The following SPN variants were observed in gnomAD, a reference collection of about 807,000 sequenced individuals.
SPN encodes the protein leukosialin.
Under a neutral mutation model 8.4 loss-of-function variants are expected in SPN, and 6 were observed. The ratio of observed to expected loss-of-function variants is 0.72; its 90% CI spans 0.39 to 1.42. SPN has a LOEUF of 1.42. SPN is among the 40% of genes most tolerant of loss of function. The pLI, the probability that SPN is intolerant of heterozygous loss-of-function variation, is 0.02. For missense variants in SPN, 517 were observed against 530.6 expected, an observed-to-expected ratio of 0.97 and a Z score of 0.25; for synonymous variants, 201 against 222.6, an observed-to-expected ratio of 0.90 and a Z score of 0.86.
Position 29,668,306 on chromosome 16 carries a change from C to T in SPN, c.*3375C>T, listed in dbSNP as rs1304016710. 6.5e-6 allele frequency: 1 copy of T among 152,798 alleles called. No homozygotes were observed. Among genetic ancestry groups the T allele is most frequent in the East Asian group, 1.9e-4 (1 of 5,198 alleles). The allele number at this position is 152,798 out of a possible 1,614,324, so 9.5% of individuals were successfully genotyped here. ...CCGGGCACAAGAGATCCACCTGCCT[C>T]AGCCTCCCAAAATGCTGGGACTATA... On this transcript the variant is annotated 3_prime_UTR_variant, in exon 2 of 2. Transcript: ENST00000652691.
Position 29,664,541 on chromosome 16 carries a change from G to C in SPN, c.813G>C (p.Val271=). Residue 271 remains valine, a synonymous_variant, in exon 2 of 2, where the codon GTG becomes GTC. Transcript: ENST00000652691. This position sits in a 1 kb window ranked among gnomAD's most constrained non-coding sequence, Gnocchi z 6.4. ...CCCTGCTGGCGGTCATAGTCCTCGT[G>C]GCTCTGCTCCTGCTGTGGCGCCGGC... ...LVALLAVIVL[V]ALLLLWRRRQ... is the part of the protein sequence containing the mutation. 6.2e-7 allele frequency: 1 copy of C among 1,613,880 alleles called. No individual in the cohort carries two copies. Among genetic ancestry groups the C allele is most frequent in the Non-Finnish European group, 8.5e-7 (1 of 1,179,950 alleles).
chr16:29,664,840 GGGA>G lies in SPN; in HGVS notation c.1120_1122del (p.Glu374del), dbSNP rs1377257558. ...TCTGGGTCAGGCCCCAGCCTCAAAG[GGGA>G]GGAGGAGCCACTGGTGGCCAGTGAG... On this transcript the variant is annotated inframe_deletion, in exon 2 of 2. Coordinates refer to ENST00000652691, the MANE Select transcript of SPN (RefSeq NM_003123.6). This position sits in a 1 kb window ranked among gnomAD's most constrained non-coding sequence, Gnocchi z 6.4. 5.3e-6 allele frequency: 8 copies of G among 1,498,680 alleles called. No homozygotes were observed. The highest frequency in any genetic ancestry group is 7.1e-6 in the Non-Finnish European group (8 of 1,127,216). 92.8% of individuals were successfully genotyped at this position (1,498,680 alleles called of 1,614,324 possible).
In SPN at chr16:29,664,912, G is replaced by C. The variant is rs767056889; in HGVS notation, c.1184G>C (p.Gly395Ala). 125 of 1,425,496 alleles carry C rather than the reference G, an allele frequency of 8.8e-5. No homozygotes were observed. Among genetic ancestry groups the C allele is most frequent in the Non-Finnish European group, 1.1e-4 (122 of 1,087,684 alleles). 88.3% of individuals were successfully genotyped at this position (1,425,496 alleles called of 1,614,324 possible). A position where few individuals can be genotyped will look rare whatever the true frequency, so the allele number is the denominator to read the frequency against. ...DAPAPDEPEG[G>A]DGAAP is the part of the protein sequence containing the mutation. ...CCAGCTCCTGATGAGCCCGAAGGGG[G>C]AGACGGGGCTGCCCCTTAAGTGTCG... The change falls in exon 2 of 2, where the codon GGA (glycine) becomes GCA (alanine). Residue 395 changes from glycine (G) to alanine (A), a missense_variant. By Grantham distance (60) the Gly-to-Ala change is moderately conservative (BLOSUM62 0). Coordinates refer to ENST00000652691, the MANE Select transcript of SPN (RefSeq NM_003123.6). This position sits in a 1 kb window ranked among gnomAD's most constrained non-coding sequence, Gnocchi z 6.4.
Position 29,665,993 on chromosome 16 carries a change from G to T in SPN, c.*1062G>T, listed in dbSNP as rs761810396. 2 of 167,020 alleles carry T rather than the reference G, an allele frequency of 1.2e-5. No homozygotes were observed. The highest frequency in any genetic ancestry group is 2.9e-5 in the Non-Finnish European group (2 of 68,150). The allele number at this position is 167,020 out of a possible 1,614,324, so 10.3% of individuals were successfully genotyped here. ...TTCTCAGAAACCCCAGTGCCTGCGT[G>T]TGTCCACTCGTGGGTGTGGTTTGTG... On this transcript the variant is annotated 3_prime_UTR_variant, in exon 2 of 2. Coordinates refer to ENST00000652691, the MANE Select transcript of SPN (RefSeq NM_003123.6).
In SPN at chr16:29,665,653, A is replaced by G. The variant is rs1239190063; in HGVS notation, c.*722A>G. ...CCAGAACCCACCCTGGGTTGACCAG[A>G]GTCTGGGAAGAAGGACAAGAGAACC... On this transcript the variant is annotated 3_prime_UTR_variant, in exon 2 of 2. Coordinates refer to ENST00000652691, the MANE Select transcript of SPN (RefSeq NM_003123.6). 1 of 167,020 alleles carries G rather than the reference A, an allele frequency of 6.0e-6. No homozygotes were observed. The highest frequency in any genetic ancestry group is 6.6e-5 in the Admixed American group (1 of 15,266). The allele number at this position is 167,020 out of a possible 1,614,324, so 10.3% of individuals were successfully genotyped here.
Position 29,666,288 on chromosome 16 carries a change from C to T in SPN, c.*1357C>T, listed in dbSNP as rs1415669209. ...TTGGAAAGTTGAGGCAGGAGGATCG[C>T]TTGAGCCCAGGAGTTCGAGTCTGAA... On this transcript the variant is annotated 3_prime_UTR_variant, in exon 2 of 2. Coordinates refer to ENST00000652691, the MANE Select transcript of SPN (RefSeq NM_003123.6). 1.2e-5 allele frequency: 2 copies of T among 163,004 alleles called. No individual in the cohort carries two copies. Among genetic ancestry groups the T allele is most frequent in the Admixed American group, 6.6e-5 (1 of 15,264 alleles). 10.1% of individuals were successfully genotyped at this position (163,004 alleles called of 1,614,324 possible).
Position 29,664,283 on chromosome 16 carries a change from C to T in SPN, c.555C>T (p.Pro185=), listed in dbSNP as rs780388445. ...AGACTTCCAAAGGCACCTCTGGACC[C>T]CCTGTTACCATGGCAACTGACTCTC... ...SLETSKGTSG[P]PVTMATDSLE... Residue 185 remains proline (P), a synonymous_variant, in exon 2 of 2, where the codon CCC becomes CCT. Transcript: ENST00000652691. The surrounding 1 kb of genome is among the most constrained non-coding windows in gnomAD (Gnocchi z 6.4). 6.2e-6 allele frequency: 10 copies of T among 1,614,026 alleles called. No homozygotes were observed. The highest frequency in any genetic ancestry group is 7.6e-6 in the Non-Finnish European group (9 of 1,179,970).
chr16:29,666,843 C>T lies in SPN; in HGVS notation c.*1912C>T. On this transcript the variant is annotated 3_prime_UTR_variant, in exon 2 of 2. Transcript: ENST00000652691. ...CAGCCCAGGCTACAGCCCAGGAGCA[C>T]ACATGGGCCAGGGCAGTTGGTATTT... The T allele has an allele frequency of 2.1e-6, 1 of 467,176 alleles. No homozygotes were observed. Among genetic ancestry groups the T allele is most frequent in the Non-Finnish European group, 4.5e-6 (1 of 224,544 alleles). 28.9% of individuals were successfully genotyped at this position (467,176 alleles called of 1,614,324 possible). A position where few individuals can be genotyped will look rare whatever the true frequency, so the allele number is the denominator to read the frequency against.
Position 29,667,138 on chromosome 16 carries a change from G to C in SPN, c.*2207G>C, listed in dbSNP as rs1966827392. 2.8e-5 allele frequency: 12 copies of C among 423,146 alleles called. No homozygotes were observed. The highest frequency in any genetic ancestry group is 2.0e-4 in the South Asian group (12 of 59,350). 26.2% of individuals were successfully genotyped at this position (423,146 alleles called of 1,614,324 possible). A position where few individuals can be genotyped will look rare whatever the true frequency, so the allele number is the denominator to read the frequency against. The stretch of plus-strand genomic sequence containing the variant: ...GGATGGAACCAGCTTCTACCAGCCA[G>C]GCTGGGCACCCACTGGGCTGCATCT... On this transcript the variant is annotated 3_prime_UTR_variant, in exon 2 of 2. Coordinates refer to ENST00000652691, the MANE Select transcript of SPN (RefSeq NM_003123.6).
In SPN at chr16:29,663,648, C is replaced by T; in HGVS notation, c.-34-47C>T. 4.0e-6 allele frequency: 6 copies of T among 1,505,932 alleles called. No individual in the cohort carries two copies. Among genetic ancestry groups the T allele is most frequent in the Non-Finnish European group, 4.4e-6 (5 of 1,132,910 alleles). The allele number at this position is 1,505,932 out of a possible 1,614,324, so 93.3% of individuals were successfully genotyped here. A position where few individuals can be genotyped will look rare whatever the true frequency, so the allele number is the denominator to read the frequency against. ...GGCAGAGGGGAGGCCCGGCCAGGTC[C>T]TCCGGCAACTCCCGCGTGTTCTGCT... On this transcript the variant is annotated intron_variant, in intron 1 of 1. Transcript: ENST00000652691. This position sits in a 1 kb window ranked among gnomAD's most constrained non-coding sequence, Gnocchi z 4.3.
At chr16:29,663,162 C>A (rs1410445916), upstream of SPN, 1 of 125,384 alleles carries the variant, frequency 8.0e-6, no homozygotes, top group East Asian at 2.7e-4. The surrounding 1 kb of genome is among the most constrained non-coding windows in gnomAD (Gnocchi z 4.3). Context: ...GCTGTGGGAG[C>A]AGGCGGGTGG....
chr16:29,664,000 A>G lies in SPN; in HGVS notation c.272A>G (p.Glu91Gly). 6.2e-7 allele frequency: 1 copy of G among 1,613,982 alleles called. No homozygotes were observed. The highest frequency in any genetic ancestry group is 1.1e-5 in the South Asian group (1 of 91,074). Residue 91 changes from glutamate to glycine, a missense_variant, in exon 2 of 2, where the codon GAG becomes GGG. Glu to Gly is a moderately conservative substitution (Grantham distance 98, BLOSUM62 -2). Coordinates refer to ENST00000652691, the MANE Select transcript of SPN (RefSeq NM_003123.6). The surrounding 1 kb of genome is among the most constrained non-coding windows in gnomAD (Gnocchi z 4.3). The stretch of plus-strand genomic sequence containing the variant: ...GCCAGCACTGGTTCCCCTTTACCTG[A>G]GCCAACAACCTACCAGGAAGTTTCC... ...IGASTGSPLP[E>G]PTTYQEVSIK... is the part of the protein sequence containing the mutation.
At position 29,669,667 on chromosome 16, in the gene SPN, G is replaced by T. The variant is rs1358426404; in HGVS notation, c.*4736G>T. 6.5e-6 allele frequency: 1 copy of T among 154,320 alleles called. No individual in the cohort carries two copies. Among genetic ancestry groups the T allele is most frequent in the African/African-American group, 2.4e-5 (1 of 40,860 alleles). 9.6% of individuals were successfully genotyped at this position (154,320 alleles called of 1,614,324 possible). A position where few individuals can be genotyped will look rare whatever the true frequency, so the allele number is the denominator to read the frequency against. On this transcript the variant is annotated 3_prime_UTR_variant, in exon 2 of 2. Transcript: ENST00000652691. Reference sequence around the variant, plus strand: ...GGCCGAGGCAGGTGGATCACCTGAGGTCAGGAGTTCAAGACCAGCCTGACC... The same window carrying T: ...GGCCGAGGCAGGTGGATCACCTGAGTTCAGGAGTTCAAGACCAGCCTGACC...
Position 29,670,623 on chromosome 16 carries a change from G to T in SPN, c.*5692G>T, listed in dbSNP as rs1966847977. The T allele has an allele frequency of 5.7e-6, 2 of 353,108 alleles. No homozygotes were observed. The allele number at this position is 353,108 out of a possible 1,614,324, so 21.9% of individuals were successfully genotyped here. A position where few individuals can be genotyped will look rare whatever the true frequency, so the allele number is the denominator to read the frequency against. ...TTTTTGAAAATTATGTAATGACTTT[G>T]GAAAATACCAGCAATATAATGTTAA... On this transcript the variant is annotated 3_prime_UTR_variant, in exon 2 of 2. Transcript: ENST00000652691.
Position 29,664,222 on chromosome 16 carries a change from C to G in SPN, c.494C>G (p.Ser165Cys). ...ASSLETSRGTSGPPLTMATVS... is the reference protein window; with the variant it reads ...ASSLETSRGTCGPPLTMATVS... ...TCTCTGGAGACCTCCAGAGGCACCTCTGGACCCCCTCTTACCATGGCAACT... is the reference window on the plus strand; with the variant it reads ...TCTCTGGAGACCTCCAGAGGCACCTGTGGACCCCCTCTTACCATGGCAACT... Residue 165 changes from serine to cysteine, a missense_variant, in exon 2 of 2, where the codon TCT becomes TGT. Physicochemically the swap from Ser to Cys is moderately radical, Grantham distance 112 (BLOSUM62 -1). Transcript: ENST00000652691. The surrounding 1 kb of genome is among the most constrained non-coding windows in gnomAD (Gnocchi z 6.4). 1 of 1,613,846 alleles carries G rather than the reference C, an allele frequency of 6.2e-7. No individual in the cohort carries two copies. The highest frequency in any genetic ancestry group is 8.5e-7 in the Non-Finnish European group (1 of 1,179,954).
At position 29,666,985 on chromosome 16, in the gene SPN, C is replaced by T. The variant is rs1159210113; in HGVS notation, c.*2054C>T. ...CAGGGGAGGCATGTGAGTGTGACAGCCCTGCTCTGTGGCCTGGGCAGGAGA... is the reference window on the plus strand; with the variant it reads ...CAGGGGAGGCATGTGAGTGTGACAGTCCTGCTCTGTGGCCTGGGCAGGAGA... On this transcript the variant is annotated 3_prime_UTR_variant, in exon 2 of 2. Coordinates refer to ENST00000652691, the MANE Select transcript of SPN (RefSeq NM_003123.6). The T allele has an allele frequency of 2.1e-6, 1 of 470,840 alleles. No homozygotes were observed. Among genetic ancestry groups the T allele is most frequent in the Non-Finnish European group, 4.4e-6 (1 of 226,870 alleles). The allele number at this position is 470,840 out of a possible 1,614,324, so 29.2% of individuals were successfully genotyped here. A position where few individuals can be genotyped will look rare whatever the true frequency, so the allele number is the denominator to read the frequency against.
chr16:29,668,549 C>A lies in SPN; in HGVS notation c.*3618C>A, dbSNP rs1966840227. ...CAATCACAGCTCACCACAGCCTCAACCTCCTGGGCCTCCCAAGTAGCTGCG... is the reference window on the plus strand; with the variant it reads ...CAATCACAGCTCACCACAGCCTCAAACTCCTGGGCCTCCCAAGTAGCTGCG... On this transcript the variant is annotated 3_prime_UTR_variant, in exon 2 of 2. Coordinates refer to ENST00000652691, the MANE Select transcript of SPN (RefSeq NM_003123.6). 6.5e-6 allele frequency: 1 copy of A among 152,922 alleles called. No homozygotes were observed. The highest frequency in any genetic ancestry group is 6.6e-5 in the Admixed American group (1 of 15,254). 9.5% of individuals were successfully genotyped at this position (152,922 alleles called of 1,614,324 possible).
chr16:29,669,876 CA>C lies in SPN; in HGVS notation c.*4957del, dbSNP rs71962532. 100 of 150,556 alleles carry C rather than the reference CA, an allele frequency of 6.6e-4. No homozygotes were observed. Among genetic ancestry groups the C allele is most frequent in the Admixed American group, 3.7e-4 (5 of 13,534 alleles). The allele number at this position is 150,556 out of a possible 1,614,324, so 9.3% of individuals were successfully genotyped here. A position where few individuals can be genotyped will look rare whatever the true frequency, so the allele number is the denominator to read the frequency against. Reference sequence around the variant, plus strand: ...GGGCGACAAGTAAAAAACTCCATCTCAAAAAAAAAAAAGGAGATAGAGCAAG... The same window carrying C: ...GGGCGACAAGTAAAAAACTCCATCTCAAAAAAAAAAAGGAGATAGAGCAAG... On this transcript the variant is annotated 3_prime_UTR_variant, in exon 2 of 2. Transcript: ENST00000652691.
chr16:29,664,575 CGGCGGACTGGGGCCCTCGTGCTGAGCAGA>C lies in SPN; in HGVS notation c.853_881del (p.Thr285GlnfsTer3). On this transcript the variant is annotated frameshift_variant, in exon 2 of 2. Coordinates refer to ENST00000652691, the MANE Select transcript of SPN (RefSeq NM_003123.6). LOFTEE classifies it high-confidence loss of function. The surrounding 1 kb of genome is among the most constrained non-coding windows in gnomAD (Gnocchi z 6.4). The stretch of plus-strand genomic sequence containing the variant: ...CCTGCTGTGGCGCCGGCGGCAGAAG[CGGCGGACTGGGGCCCTCGTGCTGAGCAGA>C]GGCGGCAAGCGTAACGGGGTGGTGG... 6.2e-7 allele frequency: 1 copy of C among 1,612,360 alleles called. No homozygotes were observed. The highest frequency in any genetic ancestry group is 8.5e-7 in the Non-Finnish European group (1 of 1,179,416).
Sources: gnomAD v4.1 joint callset for allele counts on GRCh38, gnomAD v4.1.1 for gene constraint, Gnocchi (gnomAD v3.1) non-coding constraint, MANE v1.5 for transcripts, NCBI Gene and HGNC (gene_info 2026-07-23, HGNC 2026-07-21) for gene names.